Variants in CDYL2 observed in about 807,000 individuals in gnomAD.
CDYL2 encodes chromodomain Y like 2, also known as chromodomain Y-like protein 2.
In CDYL2, 23 loss-of-function variants were observed where a neutral mutation model predicts 49.4. The ratio of observed to expected loss-of-function variants is 0.47; its 90% CI spans 0.34 to 0.66. The LOEUF is 0.66. Among genes scored for constraint, CDYL2 ranks in the 30% least tolerant of loss-of-function variants. The probability of loss-of-function intolerance (pLI) is 0.01; values close to 1 mark genes in which losing one functional copy is unlikely to be tolerated. For missense variants in CDYL2, 678 were observed against 656.4 expected, an observed-to-expected ratio of 1.03 and a Z score of -0.36; for synonymous variants, 360 against 268.8, an observed-to-expected ratio of 1.34 and a Z score of -3.32.
chr16:80,748,335 A>C (rs1313079075), intron 1 of CDYL2, among the ~76,000 whole-genome samples: 3 of 148,560 alleles, frequency 2.0e-5, no homozygotes, highest in Admixed American at 6.7e-5. Flanking sequence ...GACCATCCTG[A>C]CTAACACGGT....
At position 80,770,688 on chromosome 16, in the gene CDYL2, G is replaced by C. The variant is rs181985110; in HGVS notation, c.24+33462C>G. 3.4e-3 allele frequency among the ~76,000 whole-genome samples: 510 copies of C among 152,126 alleles called. 3 individuals are homozygous for C. Among genetic ancestry groups the C allele is most frequent in the Admixed American group, 5.2e-3 (80 of 15,290 alleles). On this transcript the variant is annotated intron_variant, in intron 1 of 6. Coordinates refer to ENST00000570137, the MANE Select transcript of CDYL2 (RefSeq NM_152342.4). ...AATTTAGACTTGATGTCTAATTCTTGTCAATGTCAAAGCTAAGTTTTAATT... is the reference window on the plus strand; with the variant it reads ...AATTTAGACTTGATGTCTAATTCTTCTCAATGTCAAAGCTAAGTTTTAATT...
At position 80,730,859 on chromosome 16, in the gene CDYL2, A is replaced by G. The variant is rs916170119; in HGVS notation, c.25-45730T>C. Among the ~76,000 whole-genome samples, 21 of 152,244 alleles carry G rather than the reference A, an allele frequency of 1.4e-4. 1 individual carries two copies. The highest frequency in any genetic ancestry group is 4.1e-4 in the African/African-American group (17 of 41,470). ...TTAAAGAAGCCAGACAAAAGGGAGCACACATTGTATGATCACATTTATATA... is the reference window on the plus strand; with the variant it reads ...TTAAAGAAGCCAGACAAAAGGGAGCGCACATTGTATGATCACATTTATATA... On this transcript the variant is annotated intron_variant, in intron 1 of 6. Coordinates refer to ENST00000570137, the MANE Select transcript of CDYL2 (RefSeq NM_152342.4).
intron 2 of CDYL2, among the ~76,000 whole-genome samples, chr16:80,647,356 CAA>C (rs1908395975): frequency 6.6e-6 from 1 of 151,944 alleles, no homozygotes; most frequent in Non-Finnish European, 1.5e-5. Flanking sequence ...TAGAAAAAAA[CAA>C]AATTTATATG....
intron 1 of CDYL2, among the ~76,000 whole-genome samples, chr16:80,690,842 C>T (rs560362557): frequency 6.6e-6 from 1 of 152,262 alleles, no homozygotes; most frequent in South Asian, 2.1e-4. Context: ...CTTCATTGGT[C>T]CAAATGGAAA....
chr16:80,710,621 TTAAC>T (rs1308031116), intron 1 of CDYL2, among the ~76,000 whole-genome samples: 1 of 151,986 alleles, frequency 6.6e-6, no homozygotes, highest in Admixed American at 6.6e-5. Context: ...TGTAAACAGG[TTAAC>T]TGTATGAAAA....
chr16:80,793,236 C>T (rs564753418), intron 1 of CDYL2, among the ~76,000 whole-genome samples: 24 of 152,286 alleles, frequency 1.6e-4, no homozygotes, highest in South Asian at 1.5e-3. Context: ...AACCACAGGG[C>T]GGTCTTTGTG....
intron 2 of CDYL2, among the ~76,000 whole-genome samples, 154 bp from the exon 3 acceptor site, chr16:80,633,390 G>A (rs1279196957): frequency 1.3e-5 from 2 of 152,204 alleles, no homozygotes; most frequent in African/African-American, 4.8e-5. Flanking sequence ...TAGGAAGAGG[G>A]AAGGTGAAGA....
At chr16:80,714,580 G>A (rs138765986) in intron 1 of CDYL2, among the ~76,000 whole-genome samples, 13 of 152,218 alleles carry the variant, frequency 8.5e-5, no homozygotes, top group African/African-American at 2.6e-4. Flanking sequence ...CCTGCAAGAC[G>A]TAAGACTTCC....
chr16:80,774,219 G>C (rs1046345986), intron 1 of CDYL2, among the ~76,000 whole-genome samples: 2 of 152,048 alleles, frequency 1.3e-5, no homozygotes, highest in African/African-American at 4.8e-5. Flanking sequence ...ATACTATATA[G>C]ACTTTAAAAA....
At position 80,626,392 on chromosome 16, in the gene CDYL2, C is replaced by T. The variant is rs114269226; in HGVS notation, c.835-5457G>A. Reference sequence around the variant, plus strand: ...AATTTGAGGGCAGGGGTTGGTATGGCGTACAACTGTAGTAGCAGGCAATAA... The same window carrying T: ...AATTTGAGGGCAGGGGTTGGTATGGTGTACAACTGTAGTAGCAGGCAATAA... On this transcript the variant is annotated intron_variant, in intron 3 of 6. Coordinates refer to ENST00000570137, the MANE Select transcript of CDYL2 (RefSeq NM_152342.4). 6.9e-3 allele frequency among the ~76,000 whole-genome samples: 1,039 copies of T among 150,840 alleles called. 15 individuals carry two copies. Among genetic ancestry groups the T allele is most frequent in the African/African-American group, 0.024 (968 of 40,952 alleles).
At position 80,798,016 on chromosome 16, in the gene CDYL2, TTTGTTG is replaced by T. The variant is rs541825775; in HGVS notation, c.24+6128_24+6133del. ...GCAGGGGTTTGTCTTGCTTTTTTGT[TTTGTTG>T]TTGTTGTTGTTTGTTTGTTTTTTGT... On this transcript the variant is annotated intron_variant, in intron 1 of 6. Coordinates refer to ENST00000570137, the MANE Select transcript of CDYL2 (RefSeq NM_152342.4). 6.6e-5 allele frequency among the ~76,000 whole-genome samples: 10 copies of T among 152,264 alleles called. No individual in the cohort carries two copies. The East Asian group carries it at 1.7e-3, about 26-fold the overall frequency.
chr16:80,766,953 C>T (rs562791399), intron 1 of CDYL2, among the ~76,000 whole-genome samples: 13 of 152,140 alleles, frequency 8.5e-5, no homozygotes, highest in Non-Finnish European at 1.9e-4. Flanking sequence ...GAAACAGGTA[C>T]TATTATTGCC....
intron 1 of CDYL2, among the ~76,000 whole-genome samples, chr16:80,690,516 T>A (rs549582844): frequency 6.6e-6 from 1 of 152,146 alleles, no homozygotes. Flanking sequence ...ATTTTTTATA[T>A]AGAGGATAAA....
chr16:80,628,965 G>C (rs1314375825), intron 3 of CDYL2, among the ~76,000 whole-genome samples: 1 of 152,166 alleles, frequency 6.6e-6, no homozygotes, highest in Non-Finnish European at 1.5e-5. Context: ...AGTGAGTGAA[G>C]CAAGGAGGAA....
chr16:80,709,815 G>A (rs1904532481), intron 1 of CDYL2, among the ~76,000 whole-genome samples: 1 of 151,938 alleles, frequency 6.6e-6, no homozygotes. Flanking sequence ...GTGCAAAACT[G>A]TACTACCATC....
chr16:80,654,010 CG>C, intron 2 of CDYL2, among the ~76,000 whole-genome samples: 1 of 152,242 alleles, frequency 6.6e-6, no homozygotes, highest in African/African-American at 2.4e-5. Flanking sequence ...TGCATGCCAA[CG>C]GAAGTTGGAA....
intron 2 of CDYL2, among the ~76,000 whole-genome samples, chr16:80,651,794 G>A (rs887329992): frequency 1.2e-4 from 19 of 152,172 alleles, no homozygotes; most frequent in African/African-American, 4.6e-4. Context: ...CTGTACTCCA[G>A]TTGAAAAAGT....
intron 1 of CDYL2, among the ~76,000 whole-genome samples, chr16:80,731,180 A>G (rs1207670194): frequency 6.6e-6 from 1 of 152,166 alleles, no homozygotes; most frequent in Non-Finnish European, 1.5e-5. Flanking sequence ...GACATGCAAA[A>G]TAAGAACAGG....
At chr16:80,696,419 G>T (rs1910615110) in intron 1 of CDYL2, among the ~76,000 whole-genome samples, 1 of 151,480 alleles carries the variant, frequency 6.6e-6, no homozygotes, top group Admixed American at 6.6e-5. Context: ...AAATACAAAA[G>T]GTCAACAATA....
Sources: allele counts gnomAD v4.1 joint callset (sites outside exome capture counted in the v4.1 genomes callset), GRCh38; gene constraint gnomAD v4.1.1; transcripts MANE v1.5; gene names NCBI Gene and HGNC (gene_info 2026-07-23, HGNC 2026-07-21).